The following ADGB variants were observed in gnomAD, a reference collection of about 807,000 sequenced individuals.
ADGB encodes androglobin.
In ADGB, 172 loss-of-function variants were observed where a neutral mutation model predicts 210.5. The observed-to-expected ratio is 0.82, with a 90% CI of 0.72 to 0.93. The LOEUF (loss-of-function observed/expected upper bound fraction) is 0.93. Ranked by LOEUF, ADGB falls within the 40% of genes least tolerant of loss-of-function variation. ADGB has a pLI of 0.00. For synonymous variants in ADGB, 658 were observed against 662.7 expected, an observed-to-expected ratio of 0.99 and a Z score of 0.11; for missense variants, 2,025 against 1,964.8, an observed-to-expected ratio of 1.03 and a Z score of -0.58.
At chr6:146,809,596 C>A (rs1461770665) in intron 35 of ADGB, among the ~76,000 whole-genome samples, 1 of 152,140 alleles carries the variant, frequency 6.6e-6, no homozygotes, top group Non-Finnish European at 1.5e-5. Flanking sequence ...CCCATGTCAG[C>A]TTGCTTCCCA....
intron 35 of ADGB, among the ~76,000 whole-genome samples, chr6:146,810,960 T>C (rs259375): frequency 0.24 from 36,296 of 152,110 alleles, 4,649 homozygotes; most frequent in African/African-American, 0.3. Flanking sequence ...CAAACCATCC[T>C]GTGGTATACT....
chr6:146,706,140 A>G (rs1776566067), intron 13 of ADGB, among the ~76,000 whole-genome samples: 1 of 151,594 alleles, frequency 6.6e-6, no homozygotes, highest in African/African-American at 2.4e-5. Flanking sequence ...TGCCTAGGCT[A>G]GTCTCAAACT....
At chr6:146,627,711 A>G (rs1439232567) in intron 1 of ADGB, among the ~76,000 whole-genome samples, 1 of 152,132 alleles carries the variant, frequency 6.6e-6, no homozygotes, top group East Asian at 1.9e-4. Flanking sequence ...AAATATTCGT[A>G]GGTGACTCTA....
At chr6:146,706,868 T>C (rs1338744528) in intron 13 of ADGB, among the ~76,000 whole-genome samples, 3 of 148,858 alleles carry the variant, frequency 2.0e-5, no homozygotes, top group Admixed American at 6.6e-5. Flanking sequence ...TTTTTACTTT[T>C]CTTGTTTATT....
intron 35 of ADGB, among the ~76,000 whole-genome samples, chr6:146,804,495 T>C (rs1778181568): frequency 6.6e-6 from 1 of 152,224 alleles, no homozygotes; most frequent in South Asian, 2.1e-4. Context: ...CCCACCAAGA[T>C]TCTCCATCTC....
At chr6:146,772,344 G>T in intron 29 of ADGB, among the ~76,000 whole-genome samples, 1 of 150,164 alleles carries the variant, frequency 6.7e-6, no homozygotes, top group East Asian at 1.9e-4. Context: ...ATTCTCTAAA[G>T]TAAACTAATG....
chr6:146,757,684 T>A (rs1777427486), intron 27 of ADGB, among the ~76,000 whole-genome samples: 1 of 151,780 alleles, frequency 6.6e-6, no homozygotes, highest in South Asian at 2.1e-4. Flanking sequence ...TTTTAAATTA[T>A]TTAAATTTAA....
At chr6:146,603,409 G>A (rs1188580281) in intron 1 of ADGB, among the ~76,000 whole-genome samples, 1 of 152,196 alleles carries the variant, frequency 6.6e-6, no homozygotes, top group East Asian at 1.9e-4. Flanking sequence ...TGCAGTTTAA[G>A]TATTGACAGT....
intron 1 of ADGB, among the ~76,000 whole-genome samples, chr6:146,635,089 CT>C (rs1311235497): frequency 6.6e-6 from 1 of 151,794 alleles, no homozygotes; most frequent in Non-Finnish European, 1.5e-5. Flanking sequence ...CTATATGTTG[CT>C]TGTGTTCATG....
At chr6:146,661,736 CCTTT>C (rs1290130360) in intron 5 of ADGB, among the ~76,000 whole-genome samples, 3 of 151,836 alleles carry the variant, frequency 2.0e-5, no homozygotes, top group South Asian at 2.1e-4. Flanking sequence ...CTTTTATTCT[CCTTT>C]CTTTTTATTT....
chr6:146,740,155 A>T (rs1444892376), intron 23 of ADGB, among the ~76,000 whole-genome samples: 1 of 151,994 alleles, frequency 6.6e-6, no homozygotes, highest in Non-Finnish European at 1.5e-5. Flanking sequence ...TTATAGCTTC[A>T]ACTTTGGTTC....
intron 1 of ADGB, among the ~76,000 whole-genome samples, chr6:146,633,383 G>A (rs1781092534): frequency 6.6e-6 from 1 of 151,596 alleles, no homozygotes; most frequent in African/African-American, 2.4e-5. Context: ...TATCATTTTG[G>A]ACCCCTGCTC....
rs1172234088 is a variant in ADGB, at chr6:146,746,030, C to T, written c.3286C>T (p.Arg1096Ter). Reference protein sequence around the residue: ...GSSAPLPCLSRDSPCNSFAIK... With the variant: ...GSSAPLPCLS ...TTCTGCTCCACTGCCATGCCTCTCT[C>T]GAGACTCTCCATGCAATTCCTTTGC... Residue 1096 changes from arginine (R) to a stop codon, truncating the protein, a stop_gained, in exon 26 of 36, where the codon CGA becomes TGA. Coordinates refer to ENST00000397944, the MANE Select transcript of ADGB (RefSeq NM_024694.4). LOFTEE classifies it high-confidence loss of function. The T allele has an allele frequency of 1.7e-5, 26 of 1,551,082 alleles. No homozygotes were observed. Among genetic ancestry groups the T allele is most frequent in the African/African-American group, 4.1e-5 (3 of 72,994 alleles).
rs1778169970 is a variant in ADGB, at chr6:146,803,825, A to G, written c.4818+1814A>G. 3 of 351,508 alleles carry G rather than the reference A, an allele frequency of 8.5e-6. No homozygotes were observed. The South Asian group carries it at 1.2e-4, about 14-fold the overall frequency. 21.8% of individuals were successfully genotyped at this position (351,508 alleles called of 1,614,324 possible). On this transcript the variant is annotated intron_variant, in intron 35 of 35. Transcript: ENST00000397944. ...TCGGCTTCTGGGCCGAGTCCCACTC[A>G]GGGCCATTCAAACGCGGCCGCGCGC...
chr6:146,699,313 A>G (rs1776454344), intron 12 of ADGB, among the ~76,000 whole-genome samples: 1 of 152,154 alleles, frequency 6.6e-6, no homozygotes, highest in South Asian at 2.1e-4. Context: ...CTGATGGTGT[A>G]ACTCTCAGTC....
At chr6:146,705,442 C>T (rs959814558) in intron 13 of ADGB, among the ~76,000 whole-genome samples, 4 of 152,036 alleles carry the variant, frequency 2.6e-5, no homozygotes, top group African/African-American at 7.2e-5. Flanking sequence ...TGTTGAAGTA[C>T]ATTCTTTATA....
At chr6:146,788,784 C>T (rs73008009) in intron 33 of ADGB, among the ~76,000 whole-genome samples, 174 bp downstream of exon 33, 1 of 152,276 alleles carries the variant, frequency 6.6e-6, no homozygotes, top group Non-Finnish European at 1.5e-5. Flanking sequence ...AAGGACCTGA[C>T]TACTAAATAT....
intron 9 of ADGB, among the ~76,000 whole-genome samples, chr6:146,681,938 C>T (rs1039437565): frequency 4.6e-5 from 7 of 152,058 alleles, no homozygotes; most frequent in African/African-American, 1.2e-4. Context: ...TTAACCTATC[C>T]GTAACTCAGT....
At position 146,692,842 on chromosome 6, in the gene ADGB, C is replaced by T. The variant is rs1167516685; in HGVS notation, c.1504C>T (p.Pro502Ser). The T allele has an allele frequency of 3.9e-6, 6 of 1,534,318 alleles. No homozygotes were observed. The highest frequency in any genetic ancestry group is 5.3e-6 in the Non-Finnish European group (6 of 1,136,726). Residue 502 changes from proline (P) to serine (S), a missense_variant, in exon 12 of 36, where the codon CCT becomes TCT. Transcript: ENST00000397944. ...DEAQELIVKKPERFLEISSPF... is the reference protein window; with the variant it reads ...DEAQELIVKKSERFLEISSPF... ...CTTTTTAGAGTTAATAGTAAAGAAGCCTGAACGGTTCCTTGAGATTTCAAG... is the reference window on the plus strand; with the variant it reads ...CTTTTTAGAGTTAATAGTAAAGAAGTCTGAACGGTTCCTTGAGATTTCAAG...
Sources: gnomAD v4.1 joint callset for allele counts (sites outside exome capture counted in the v4.1 genomes callset) on GRCh38, gnomAD v4.1.1 for gene constraint, MANE v1.5 for transcripts, NCBI Gene and HGNC (gene_info 2026-07-23, HGNC 2026-07-21) for gene names.